The following BBS9 variants were observed in gnomAD, a reference collection of about 807,000 sequenced individuals.
BBS9 encodes the protein protein PTHB1.
BBS9 carries 89 observed loss-of-function variants against 117.7 expected under a neutral mutation model. The ratio of observed to expected loss-of-function variants is 0.76; its 90% confidence interval spans 0.64 to 0.90. The LOEUF (loss-of-function observed/expected upper bound fraction) is 0.90. BBS9 is among the 40% of genes least tolerant of loss of function. The pLI is 0.00. For missense variants in BBS9, 982 were observed against 1,042.2 expected (o/e 0.94, Z 0.80); for synonymous variants, 379 against 370.9 (o/e 1.02, Z -0.25).
chr7:33,520,605 G>A lies in BBS9; in HGVS notation c.2299-13349G>A, dbSNP rs1295964855. Among the ~76,000 whole-genome samples, 3 of 152,154 alleles carry A rather than the reference G, an allele frequency of 2.0e-5. No individual in the cohort carries two copies. The East Asian group carries it at 5.8e-4, about 29-fold the overall frequency. On this transcript the variant is annotated intron_variant, in intron 20 of 22. Transcript: ENST00000242067. ...GCTTAAATTTTCTCAGAGACATAAAGCCACAGTCTAGGTCTTCTGACTTGT... is the reference window on the plus strand; with the variant it reads ...GCTTAAATTTTCTCAGAGACATAAAACCACAGTCTAGGTCTTCTGACTTGT...
At chr7:33,395,137 T>A (rs1827728095) in intron 19 of BBS9, among the ~76,000 whole-genome samples, 1 of 151,972 alleles carries the variant, frequency 6.6e-6, no homozygotes, top group Non-Finnish European at 1.5e-5. Context: ...GATCATCTAA[T>A]AGTCATTGTA....
chr7:33,157,339 A>C (rs150288926), intron 4 of BBS9, among the ~76,000 whole-genome samples: 7 of 152,292 alleles, frequency 4.6e-5, no homozygotes, highest in Non-Finnish European at 1.0e-4. Flanking sequence ...TGAAAATGAA[A>C]GTTATTTGCT....
chr7:33,257,324 C>G lies in BBS9; in HGVS notation c.531C>G (p.Gly177=), dbSNP rs113518488. ...ATGCTTTTGGAAGATTTCTCCCTGG[C>G]TTTCTTCTGCCTGGTCCTCTTGCCT... The part of the protein sequence containing the change: ...ESYAFGRFLP[G]FLLPGPLAYS... The change falls in exon 6 of 23, where the codon GGC becomes GGG. Residue 177 remains glycine (G), a synonymous_variant. Coordinates refer to ENST00000242067, the MANE Select transcript of BBS9 (RefSeq NM_198428.3). 6.2e-7 allele frequency: 1 copy of G among 1,613,832 alleles called. No individual in the cohort carries two copies. Among genetic ancestry groups the G allele is most frequent in the Admixed American group, 1.7e-5 (1 of 60,006 alleles).
rs1789328731 is a variant in BBS9 at position 33,129,953 on chromosome 7, C to T, written c.-100C>T. On this transcript the variant is annotated 5_prime_UTR_variant, in exon 1 of 23. Coordinates refer to ENST00000242067, the MANE Select transcript of BBS9 (RefSeq NM_198428.3). ...CGTTCTTGCTCCCTCTGCTCCATCA[C>T]TGGGACCTTGTCAGGCGTTCATAAA... 6.6e-6 allele frequency: 1 copy of T among 152,212 alleles called. No individual in the cohort carries two copies. The highest frequency in any genetic ancestry group is 2.4e-5 in the African/African-American group (1 of 41,442). The allele number at this position is 152,212 out of a possible 1,614,324, so 9.4% of individuals were successfully genotyped here. A position where few individuals can be genotyped will look rare whatever the true frequency, so the allele number is the denominator to read the frequency against.
At chr7:33,229,300 T>C (rs1791878597) in intron 5 of BBS9, among the ~76,000 whole-genome samples, 1 of 151,940 alleles carries the variant, frequency 6.6e-6, no homozygotes, top group East Asian at 1.9e-4. Context: ...CTGTTTATTG[T>C]ACATATCTGC....
chr7:33,536,676 G>GGCATTCCCCCCGCCCCCT (rs1851425104), intron 21 of BBS9, among the ~76,000 whole-genome samples: 1 of 30,818 alleles, frequency 3.2e-5, no homozygotes, highest in Non-Finnish European at 7.3e-5. Context: ...TCTGTGATTC[G>GGCATTCCCCCCGCCCCCT]GCCTTCCCCC....
At chr7:33,408,669 A>T (rs1830541309) in intron 19 of BBS9, among the ~76,000 whole-genome samples, 1 of 152,284 alleles carries the variant, frequency 6.6e-6, no homozygotes, top group South Asian at 2.1e-4. Flanking sequence ...TGTGGTGATG[A>T]ACATATGGGT....
chr7:33,194,443 T>A (rs1183720372), intron 5 of BBS9, among the ~76,000 whole-genome samples: 1 of 151,648 alleles, frequency 6.6e-6, no homozygotes, highest in Non-Finnish European at 1.5e-5. Flanking sequence ...TTTGGTTTCA[T>A]TGCCATTGGT....
chr7:33,177,422 A>C, intron 4 of BBS9, 56 bp from the exon 5 acceptor site: 1 of 1,184,350 alleles, frequency 8.4e-7, no homozygotes, highest in Non-Finnish European at 1.3e-6. Context: ...ATGAGAACAA[A>C]TTAATGTTTT....
At chr7:33,233,197 C>G (rs561411829) in intron 5 of BBS9, among the ~76,000 whole-genome samples, 2 of 151,942 alleles carry the variant, frequency 1.3e-5, no homozygotes, top group African/African-American at 2.4e-5. Flanking sequence ...ATTGGTGATG[C>G]GAAAGTGTTA....
intron 5 of BBS9, among the ~76,000 whole-genome samples, chr7:33,230,358 C>G (rs75374895): frequency 0.012 from 1,763 of 152,180 alleles, 31 homozygotes; most frequent in African/African-American, 0.041. Flanking sequence ...CCACTGTGTT[C>G]TCTTAGAGAA....
intron 9 of BBS9, among the ~76,000 whole-genome samples, chr7:33,314,033 G>A (rs1388243214): frequency 6.6e-6 from 1 of 152,072 alleles, no homozygotes; most frequent in Non-Finnish European, 1.5e-5. Context: ...AGATGGTTAT[G>A]TAAGAAAGGA....
intron 9 of BBS9, among the ~76,000 whole-genome samples, chr7:33,323,416 G>A (rs955430653): frequency 2.0e-5 from 3 of 152,068 alleles, no homozygotes; most frequent in African/African-American, 7.2e-5. Flanking sequence ...GGATGCTACA[G>A]TATTGGGTGC....
intron 6 of BBS9, among the ~76,000 whole-genome samples, chr7:33,259,428 G>T (rs1486686160): frequency 1.3e-5 from 2 of 152,118 alleles, no homozygotes; most frequent in Non-Finnish European, 2.9e-5. Flanking sequence ...TAGGTTAGGG[G>T]ATAAGACCCA....
chr7:33,281,911 C>T (rs972122038), intron 9 of BBS9, among the ~76,000 whole-genome samples: 9 of 151,636 alleles, frequency 5.9e-5, no homozygotes, highest in Middle Eastern at 3.2e-3. Flanking sequence ...ATCTCTTGGG[C>T]GCAAGCAATC....
intron 21 of BBS9, among the ~76,000 whole-genome samples, chr7:33,600,100 C>T (rs1585431934): frequency 1.3e-5 from 2 of 152,154 alleles, no homozygotes; most frequent in African/African-American, 4.8e-5. Flanking sequence ...CCTAATTCTA[C>T]ATATCACATT....
At chr7:33,247,707 C>T (rs1795568590) in intron 5 of BBS9, among the ~76,000 whole-genome samples, 1 of 152,134 alleles carries the variant, frequency 6.6e-6, no homozygotes, top group East Asian at 1.9e-4. Flanking sequence ...TGTGTCTCTC[C>T]TAGCACATAC....
intron 9 of BBS9, among the ~76,000 whole-genome samples, chr7:33,288,346 A>G (rs1803309411): frequency 6.6e-6 from 1 of 152,154 alleles, no homozygotes; most frequent in Non-Finnish European, 1.5e-5. Flanking sequence ...TTGTGAGACA[A>G]AAAACTCTGG....
intron 9 of BBS9, among the ~76,000 whole-genome samples, chr7:33,305,717 T>G (rs1321443155): frequency 6.6e-6 from 1 of 152,168 alleles, no homozygotes; most frequent in East Asian, 1.9e-4. Flanking sequence ...TACCTCTAAT[T>G]ATCCTTTTAA....
Sources: gnomAD v4.1 joint callset for allele counts (sites outside exome capture counted in the v4.1 genomes callset) on GRCh38, gnomAD v4.1.1 for gene constraint, MANE v1.5 for transcripts, NCBI Gene and HGNC (gene_info 2026-07-23, HGNC 2026-07-21) for gene names.